PACSIN2: variants seen among roughly 807,000 people sequenced by gnomAD.
PACSIN2 encodes the protein protein kinase C and casein kinase substrate in neurons protein 2.
In PACSIN2, 25 loss-of-function variants were observed where a neutral mutation model predicts 63.8. That is an observed-to-expected ratio of 0.39 (90% CI 0.29 to 0.55). The LOEUF (loss-of-function observed/expected upper bound fraction) is 0.55. PACSIN2 is among the 20% of genes least tolerant of loss of function. PACSIN2 has a pLI of 0.62. For synonymous variants in PACSIN2, 255 were observed against 256.2 expected (o/e 1.00, Z 0.05); for missense variants, 518 against 646.9 (o/e 0.80, Z 2.16).
intron 1 of PACSIN2, among the ~76,000 whole-genome samples, chr22:42,971,774 G>A (rs1261411044): frequency 5.4e-5 from 8 of 148,306 alleles, no homozygotes; most frequent in Middle Eastern, 3.2e-3. Flanking sequence ...GCCCCCGCCC[G>A]GCCAGCCGCC....
chr22:42,897,084 G>C (rs113280506), intron 2 of PACSIN2, among the ~76,000 whole-genome samples: 1 of 151,820 alleles, frequency 6.6e-6, no homozygotes, highest in Non-Finnish European at 1.5e-5. Context: ...CTACAGGTAC[G>C]CACCACCACA....
At chr22:42,872,882 T>C (rs1034018734) in intron 10 of PACSIN2, among the ~76,000 whole-genome samples, 1 of 152,250 alleles carries the variant, frequency 6.6e-6, no homozygotes, top group African/African-American at 2.4e-5. Context: ...GCAGCCACGA[T>C]GAACCACCAT....
intron 2 of PACSIN2, among the ~76,000 whole-genome samples, chr22:42,911,776 C>T (rs1256003764): frequency 6.6e-6 from 1 of 152,258 alleles, no homozygotes; most frequent in Non-Finnish European, 1.5e-5. Context: ...CCCCTAACCT[C>T]TTTAAGTATC....
Position 43,010,398 on chromosome 22 carries a change from A to ATATATATATATATATATATATATTT in PACSIN2, c.-78+4622_-78+4623insAAATATATATATATATATATATATA. Reference sequence around the variant, plus strand: ...TGTTTAAAAATACATATATATATATATTTTTTTTTAATTGAAAATAAAAAA... The same window carrying ATATATATATATATATATATATATTT: ...TGTTTAAAAATACATATATATATATATATATATATATATATATATATATTTTTTTTTTTTAATTGAAAATAAAAAA... On this transcript the variant is annotated intron_variant, in intron 1 of 10. Coordinates refer to ENST00000263246, the MANE Select transcript of PACSIN2 (RefSeq NM_001184970.3). Among the ~76,000 whole-genome samples, 75 of 126,384 alleles carry ATATATATATATATATATATATATTT rather than the reference A, an allele frequency of 5.9e-4. 1 individual carries two copies. The highest frequency in any genetic ancestry group is 9.3e-4 in the Non-Finnish European group (54 of 58,156). 82.9% of individuals were successfully genotyped at this position (126,384 alleles called of 152,430 possible). A position where few individuals can be genotyped will look rare whatever the true frequency, so the allele number is the denominator to read the frequency against.
intron 1 of PACSIN2, among the ~76,000 whole-genome samples, chr22:42,933,351 T>C (rs1281475205): frequency 6.6e-6 from 1 of 152,238 alleles, no homozygotes; most frequent in Non-Finnish European, 1.5e-5. Context: ...CAAAGCCGAC[T>C]TCACCAGTGA....
At chr22:42,918,410 G>A (rs1251023215) in intron 1 of PACSIN2, among the ~76,000 whole-genome samples, 1 of 152,182 alleles carries the variant, frequency 6.6e-6, no homozygotes, top group Non-Finnish European at 1.5e-5. Context: ...CACCATCCAA[G>A]CAGCTACCAG....
At chr22:42,994,796 C>G (rs902475928) in intron 1 of PACSIN2, among the ~76,000 whole-genome samples, 2 of 152,222 alleles carry the variant, frequency 1.3e-5, no homozygotes, top group African/African-American at 4.8e-5. Context: ...TATGAAAGGT[C>G]TGGGGGCTGC....
At chr22:42,979,901 C>T (rs1235143512) in intron 1 of PACSIN2, among the ~76,000 whole-genome samples, 1 of 152,196 alleles carries the variant, frequency 6.6e-6, no homozygotes, top group Non-Finnish European at 1.5e-5. Flanking sequence ...GCCAACTGTA[C>T]TTGTCATTGT....
At chr22:42,993,272 A>C (rs1236419368) in intron 1 of PACSIN2, among the ~76,000 whole-genome samples, 1 of 152,160 alleles carries the variant, frequency 6.6e-6, no homozygotes, top group East Asian at 1.9e-4. Flanking sequence ...AGTGGCAAAG[A>C]GTAGAGCAGT....
chr22:43,010,398 A>ATATATATATTTTTT lies in PACSIN2; in HGVS notation c.-78+4622_-78+4623insAAAAAATATATATA. Among the ~76,000 whole-genome samples, 281 of 126,396 alleles carry ATATATATATTTTTT rather than the reference A, an allele frequency of 2.2e-3. 3 individuals carry two copies. The highest frequency in any genetic ancestry group is 7.8e-3 in the African/African-American group (274 of 35,344). The allele number at this position is 126,396 out of a possible 152,430, so 82.9% of individuals were successfully genotyped here. A position where few individuals can be genotyped will look rare whatever the true frequency, so the allele number is the denominator to read the frequency against. On this transcript the variant is annotated intron_variant, in intron 1 of 10. Coordinates refer to ENST00000263246, the MANE Select transcript of PACSIN2 (RefSeq NM_001184970.3). ...TGTTTAAAAATACATATATATATAT[A>ATATATATATTTTTT]TTTTTTTTTAATTGAAAATAAAAAA...
intron 1 of PACSIN2, 138 bp from the exon 2 acceptor site, chr22:42,912,295 G>GA (rs1160431503): frequency 2.5e-5 from 13 of 519,622 alleles, no homozygotes; most frequent in Middle Eastern, 4.8e-4. Flanking sequence ...TTAGGTGGCA[G>GA]AAAGCCAGTA....
intron 10 of PACSIN2, among the ~76,000 whole-genome samples, chr22:42,873,820 G>A (rs1175750136): frequency 2.0e-5 from 3 of 150,248 alleles, no homozygotes; most frequent in African/African-American, 7.4e-5. Flanking sequence ...TTGAGACAGA[G>A]TGTCACTCCA....
At chr22:43,009,757 C>T (rs1216013303) in intron 1 of PACSIN2, among the ~76,000 whole-genome samples, 5 of 152,124 alleles carry the variant, frequency 3.3e-5, no homozygotes, top group African/African-American at 4.8e-5. Context: ...TACTATAAAC[C>T]ACCACACATG....
chr22:42,877,412 A>C (rs1928725954), intron 8 of PACSIN2, among the ~76,000 whole-genome samples: 1 of 152,028 alleles, frequency 6.6e-6, no homozygotes, highest in Admixed American at 6.5e-5. Context: ...TGAGAGTGAC[A>C]GTGTGGGAGG....
At chr22:42,941,674 C>G (rs1933165986) in intron 1 of PACSIN2, among the ~76,000 whole-genome samples, 1 of 152,092 alleles carries the variant, frequency 6.6e-6, no homozygotes, top group Non-Finnish European at 1.5e-5. Context: ...TGCTTATTGG[C>G]CATTTGTATA....
intron 3 of PACSIN2, 43 bp downstream of exon 3, chr22:42,893,414 G>A (rs748241783): frequency 3.1e-6 from 5 of 1,598,742 alleles, no homozygotes; most frequent in Admixed American, 3.3e-5. Context: ...CGGCTGGGGT[G>A]TAGCTGCCTC....
At chr22:42,892,075 A>G (rs1929950104) in intron 3 of PACSIN2, among the ~76,000 whole-genome samples, 1 of 152,144 alleles carries the variant, frequency 6.6e-6, no homozygotes, top group Admixed American at 6.5e-5. Flanking sequence ...CCTGCTCTGG[A>G]CCAGTATGGC....
At chr22:42,930,497 C>G (rs186194253) in intron 1 of PACSIN2, among the ~76,000 whole-genome samples, 1 of 152,304 alleles carries the variant, frequency 6.6e-6, no homozygotes, top group Admixed American at 6.5e-5. Flanking sequence ...TGGATACCCA[C>G]GTTCACACCA....
intron 2 of PACSIN2, among the ~76,000 whole-genome samples, chr22:42,897,805 G>A (rs1182368118): frequency 2.6e-5 from 4 of 152,234 alleles, no homozygotes; most frequent in Non-Finnish European, 5.9e-5. Context: ...ACAGGTAGGA[G>A]GCTGGCCAGA....
Sources: allele counts gnomAD v4.1 joint callset (sites outside exome capture counted in the v4.1 genomes callset), GRCh38; gene constraint gnomAD v4.1.1; transcripts MANE v1.5; gene names NCBI Gene and HGNC (gene_info 2026-07-23, HGNC 2026-07-21).